PRRC1: variants seen among roughly 807,000 people sequenced by gnomAD.
PRRC1 encodes the protein protein PRRC1.
PRRC1 carries 39 observed loss-of-function variants against 40.7 expected under a neutral mutation model. The observed-to-expected ratio is 0.96, with a 90% CI of 0.74 to 1.25. The LOEUF (loss-of-function observed/expected upper bound fraction) is 1.25. Among genes scored for constraint, PRRC1 ranks in the 50% most tolerant of loss-of-function variants. PRRC1 has a pLI of 0.00. For synonymous variants in PRRC1, 175 were observed against 193.3 expected, an observed-to-expected ratio of 0.91 and a Z score of 0.79; for missense variants, 573 against 548.3, an observed-to-expected ratio of 1.05 and a Z score of -0.45.
intron 1 of PRRC1, among the ~76,000 whole-genome samples, chr5:127,522,243 G>T (rs1217681725): frequency 2.0e-5 from 3 of 152,106 alleles, no homozygotes; most frequent in African/African-American, 7.2e-5. Flanking sequence ...ATAATCCATT[G>T]TTGTCTATTA....
intron 8 of PRRC1, 165 bp from the exon 9 acceptor site, chr5:127,551,542 T>A (rs1768382559): frequency 2.9e-6 from 2 of 678,956 alleles, no homozygotes; most frequent in Non-Finnish European, 5.0e-6. Context: ...ATTGATTGTG[T>A]TCTAGCCTTG....
In PRRC1 at chr5:127,548,141, C is replaced by G. The variant is rs538199871; in HGVS notation, c.1128+220C>G. The G allele has an allele frequency of 5.7e-5, 34 of 599,332 alleles. 1 individual carries two copies. The highest frequency in any genetic ancestry group is 8.8e-5 in the Non-Finnish European group (30 of 339,690). 37.1% of individuals were successfully genotyped at this position (599,332 alleles called of 1,614,324 possible). On this transcript the variant is annotated intron_variant, in intron 8 of 8. Transcript: ENST00000296666. ...TTCCAGGTGTCTTTGAAAGGTAATA[C>G]ATTACATGGTTAATCATTATTTCTC... is the stretch of plus-strand genomic sequence containing the variant.
At chr5:127,523,126 T>C (rs1194311901) in intron 1 of PRRC1, among the ~76,000 whole-genome samples, 3 of 152,190 alleles carry the variant, frequency 2.0e-5, no homozygotes, top group Non-Finnish European at 4.4e-5. Context: ...CATAACTATC[T>C]CTAACATGCA....
Position 127,526,724 on chromosome 5 carries a change from A to C in PRRC1, c.600A>C (p.Arg200Ser). The change falls in exon 4 of 9, where the codon AGA becomes AGC. Residue 200 changes from arginine to serine, a missense_variant. Arg to Ser is a moderately radical substitution (Grantham distance 110). Coordinates refer to ENST00000296666, the MANE Select transcript of PRRC1 (RefSeq NM_130809.5). ...ITFPEEQEDP[R>S]ITRGQDEASA... ...TCCCAGAGGAGCAAGAAGACCCTAG[A>C]ATTACTAGAGGTCAGGATGAAGCAT... 1 of 1,613,278 alleles carries C rather than the reference A, an allele frequency of 6.2e-7. No homozygotes were observed. Among genetic ancestry groups the C allele is most frequent in the Non-Finnish European group, 8.5e-7 (1 of 1,179,490 alleles).
intron 6 of PRRC1, among the ~76,000 whole-genome samples, chr5:127,536,977 A>G (rs1767917410): frequency 6.6e-6 from 1 of 151,926 alleles, no homozygotes; most frequent in African/African-American, 2.4e-5. Context: ...TTTTATTTGA[A>G]GTAAATGGGT....
intron 5 of PRRC1, among the ~76,000 whole-genome samples, chr5:127,531,774 C>T (rs537864025): frequency 4.0e-5 from 6 of 151,772 alleles, no homozygotes; most frequent in South Asian, 4.2e-4. Context: ...AGCCGTGTGC[C>T]ACCACGCCCA....
chr5:127,532,118 T>G (rs930731682), intron 5 of PRRC1, among the ~76,000 whole-genome samples: 1 of 143,942 alleles, frequency 6.9e-6, no homozygotes, highest in East Asian at 2.0e-4. Context: ...TTTTTTGTTG[T>G]TTTTTTTTTG....
intron 6 of PRRC1, among the ~76,000 whole-genome samples, chr5:127,538,085 T>C (rs1383951960): frequency 6.6e-6 from 1 of 152,008 alleles, no homozygotes; most frequent in Non-Finnish European, 1.5e-5. Context: ...TATACAATCT[T>C]GGTTTTATTG....
Position 127,554,461 on chromosome 5 carries a change from TTTAA to T in PRRC1, c.*2549_*2552del, listed in dbSNP as rs943969721. ...GAATTTTATAAGCTTGTACACAATA[TTTAA>T]TTAGTGTGAAAGGAAACAAAGAATG... On this transcript the variant is annotated 3_prime_UTR_variant, in exon 9 of 9. Transcript: ENST00000296666. 1 of 151,996 alleles carries T rather than the reference TTTAA, an allele frequency of 6.6e-6. No homozygotes were observed. The highest frequency in any genetic ancestry group is 2.4e-5 in the African/African-American group (1 of 41,368). 9.4% of individuals were successfully genotyped at this position (151,996 alleles called of 1,614,324 possible).
intron 4 of PRRC1, among the ~76,000 whole-genome samples, chr5:127,529,425 CAT>C (rs1017166701): frequency 6.6e-6 from 1 of 152,124 alleles, no homozygotes; most frequent in African/African-American, 2.4e-5. Context: ...GTGTGTTTGT[CAT>C]GAGTTGTAAT....
At chr5:127,543,258 G>T (rs1432571173) in intron 7 of PRRC1, among the ~76,000 whole-genome samples, 3 of 152,166 alleles carry the variant, frequency 2.0e-5, no homozygotes. Flanking sequence ...AGTCTCATGG[G>T]CTTCCCTTTG....
At chr5:127,541,192 A>G (rs1291645484) in intron 7 of PRRC1, among the ~76,000 whole-genome samples, 2 of 152,160 alleles carry the variant, frequency 1.3e-5, no homozygotes, top group Admixed American at 6.5e-5. Flanking sequence ...TTTTGTGTAT[A>G]TTGAACCAGC....
intron 7 of PRRC1, among the ~76,000 whole-genome samples, chr5:127,540,949 C>G (rs1768027066): frequency 6.6e-6 from 1 of 152,026 alleles, no homozygotes; most frequent in Admixed American, 6.6e-5. Context: ...CTGTCCTGTG[C>G]CAGTTTTCAA....
Position 127,523,512 on chromosome 5 carries a change from A to G in PRRC1, c.33A>G (p.Pro11=). The G allele has an allele frequency of 6.2e-7, 1 of 1,612,714 alleles. No individual in the cohort carries two copies. The highest frequency in any genetic ancestry group is 8.5e-7 in the Non-Finnish European group (1 of 1,179,606). ...AAGAGAGTGGAATAGAGACAACACC[A>G]CCTGGGACTCCTCCACCAAATCCTG... MMEESGIETT[P]PGTPPPNPAG... The change falls in exon 2 of 9, where the codon CCA becomes CCG. Residue 11 remains proline (P), a synonymous_variant. Coordinates refer to ENST00000296666, the MANE Select transcript of PRRC1 (RefSeq NM_130809.5).
chr5:127,523,485 G>A lies in PRRC1; in HGVS notation c.6G>A (p.Met2Ile). ...TATACCATAATTGAAGAAAAATGAT[G>A]GAAGAGAGTGGAATAGAGACAACAC... M[M>I]EESGIETTPP... is the part of the protein sequence containing the mutation. The change falls in exon 2 of 9, where the codon ATG becomes ATA. Residue 2 changes from methionine (M) to isoleucine (I), a missense_variant. Transcript: ENST00000296666. 1 of 1,595,406 alleles carries A rather than the reference G, an allele frequency of 6.3e-7. No individual in the cohort carries two copies. Among genetic ancestry groups the A allele is most frequent in the South Asian group, 1.1e-5 (1 of 87,586 alleles).
chr5:127,519,734 A>C (rs1487866694), intron 1 of PRRC1, among the ~76,000 whole-genome samples: 1 of 152,228 alleles, frequency 6.6e-6, no homozygotes, highest in Non-Finnish European at 1.5e-5. Context: ...ACGTTAGACT[A>C]TCAGTACACT....
At chr5:127,542,242 T>C (rs1196429832) in intron 7 of PRRC1, among the ~76,000 whole-genome samples, 2 of 152,182 alleles carry the variant, frequency 1.3e-5, no homozygotes, top group Non-Finnish European at 2.9e-5. Context: ...TGAGAGACAG[T>C]TTGTTATAAT....
At position 127,553,366 on chromosome 5, in the gene PRRC1, A is replaced by T. The variant is rs1449608084; in HGVS notation, c.*1450A>T. On this transcript the variant is annotated 3_prime_UTR_variant, in exon 9 of 9. Coordinates refer to ENST00000296666, the MANE Select transcript of PRRC1 (RefSeq NM_130809.5). Reference sequence around the variant, plus strand: ...TATGTTACTTTCCAAGCACTGTATAATGACTGTTCAGTGAATATCAGACTT... The same window carrying T: ...TATGTTACTTTCCAAGCACTGTATATTGACTGTTCAGTGAATATCAGACTT... 3.0e-6 allele frequency: 3 copies of T among 1,007,766 alleles called. No individual in the cohort carries two copies. Among genetic ancestry groups the T allele is most frequent in the Non-Finnish European group, 3.5e-6 (3 of 845,302 alleles). The allele number at this position is 1,007,766 out of a possible 1,614,324, so 62.4% of individuals were successfully genotyped here.
intron 2 of PRRC1, 113 bp from the exon 3 acceptor site, chr5:127,524,418 G>C: frequency 3.3e-6 from 3 of 911,080 alleles, no homozygotes; most frequent in Non-Finnish European, 5.0e-6. Flanking sequence ...ATAATTCTTG[G>C]GATATGCTTT....
Sources: allele counts gnomAD v4.1 joint callset (sites outside exome capture counted in the v4.1 genomes callset), GRCh38; gene constraint gnomAD v4.1.1; transcripts MANE v1.5; gene names NCBI Gene and HGNC (gene_info 2026-07-23, HGNC 2026-07-21).